Variants in KAZN observed in about 807,000 individuals in gnomAD.
The protein encoded by KAZN is kazrin.
Under a neutral mutation model 87.4 loss-of-function variants are expected in KAZN, and 40 were observed. The observed-to-expected ratio is 0.46, with a 90% CI of 0.36 to 0.60. The LOEUF (loss-of-function observed/expected upper bound fraction) is 0.60. Among genes scored for constraint, KAZN ranks in the 20% least tolerant of loss-of-function variants. KAZN has a pLI of 0.00. For synonymous variants in KAZN, 466 were observed against 458.3 expected (o/e 1.02, Z -0.22); for missense variants, 898 against 1,073.9 (o/e 0.84, Z 2.29).
At chr1:14,027,312 C>G (rs1242876344) in intron 1 of KAZN, among the ~76,000 whole-genome samples, 1 of 152,172 alleles carries the variant, frequency 6.6e-6, no homozygotes, top group Admixed American at 6.6e-5. Context: ...CCCTTGGAAG[C>G]CTAATGAGGC....
intron 2 of KAZN, among the ~76,000 whole-genome samples, chr1:14,338,144 G>T (rs1470636127): frequency 6.6e-6 from 1 of 151,992 alleles, no homozygotes; most frequent in Non-Finnish European, 1.5e-5. Flanking sequence ...ACCCAGTGAT[G>T]GTTTTAGGAA....
chr1:14,665,824 C>T (rs761392140), intron 1 of KAZN, among the ~76,000 whole-genome samples: 5 of 150,890 alleles, frequency 3.3e-5, no homozygotes, highest in Non-Finnish European at 7.4e-5. Context: ...CTGCCTAGTT[C>T]GGGACAAAGT....
At chr1:14,493,363 T>C (rs1164495296) in intron 2 of KAZN, among the ~76,000 whole-genome samples, 2 of 152,154 alleles carry the variant, frequency 1.3e-5, no homozygotes, top group African/African-American at 2.4e-5. Context: ...TTCTACAGAA[T>C]GACTTGGACA....
At chr1:14,047,622 C>G (rs1198732560) in intron 1 of KAZN, among the ~76,000 whole-genome samples, 1 of 152,330 alleles carries the variant, frequency 6.6e-6, no homozygotes, top group African/African-American at 2.4e-5. Flanking sequence ...AATTCCAGCA[C>G]TTTGGGAGGC....
At chr1:15,110,481 TTG>T (rs769292730) in intron 13 of KAZN, among the ~76,000 whole-genome samples, 5 of 85,134 alleles carry the variant, frequency 5.9e-5, no homozygotes, top group Middle Eastern at 5.2e-3. Context: ...GTTTGTGTAT[TTG>T]TGTGTGTATG....
chr1:14,311,029 G>T (rs34724589), intron 2 of KAZN, among the ~76,000 whole-genome samples: 19,328 of 152,180 alleles, frequency 0.13, 2,184 homozygotes, highest in African/African-American at 0.31. Context: ...TGGAGCTTCT[G>T]TGAATCATTC....
At chr1:14,424,666 C>A (rs542823467) in intron 2 of KAZN, among the ~76,000 whole-genome samples, 2 of 152,286 alleles carry the variant, frequency 1.3e-5, no homozygotes, top group African/African-American at 4.8e-5. Context: ...GGACAGATAC[C>A]AGGAAGGGAT....
intron 2 of KAZN, among the ~76,000 whole-genome samples, chr1:14,516,109 C>T (rs771042672): frequency 3.9e-5 from 6 of 152,144 alleles, no homozygotes; most frequent in Admixed American, 6.5e-5. Flanking sequence ...TCAGGTGTTT[C>T]GCTTGAGCAG....
In KAZN at chr1:13,995,494, T is replaced by G. The variant is rs117222858; in HGVS notation, c.91+101738T>G. On this transcript the variant is annotated intron_variant, in intron 1 of 16. Transcript: ENST00000636203. ...GGGAACAGATCTAACAAGAGTTTTT[T>G]TCTGAAAACTGAAACAATATTGGAA... is the stretch of plus-strand genomic sequence containing the variant. Among the ~76,000 whole-genome samples the G allele has an allele frequency of 2.3e-3, 352 of 152,346 alleles. 5 individuals carry two copies. The East Asian group carries it at 0.023, about 10-fold the overall frequency.
At chr1:14,092,960 T>G (rs1256526649) in intron 1 of KAZN, among the ~76,000 whole-genome samples, 1 of 152,234 alleles carries the variant, frequency 6.6e-6, no homozygotes, top group African/African-American at 2.4e-5. Context: ...TGCATGTTCT[T>G]AGATAGTGCA....
chr1:14,892,763 TG>T (rs1654852459), intron 1 of KAZN, among the ~76,000 whole-genome samples: 1 of 152,128 alleles, frequency 6.6e-6, no homozygotes, highest in African/African-American at 2.4e-5. Flanking sequence ...CACGGGGCTG[TG>T]GGGGCCTCCT....
At chr1:14,013,767 G>A (rs570666642) in intron 1 of KAZN, among the ~76,000 whole-genome samples, 1 of 152,276 alleles carries the variant, frequency 6.6e-6, no homozygotes, top group South Asian at 2.1e-4. Context: ...TTGTGTCCGG[G>A]GATGGCTGCT....
chr1:14,209,473 A>G (rs949852647), intron 2 of KAZN, among the ~76,000 whole-genome samples: 2 of 152,202 alleles, frequency 1.3e-5, no homozygotes, highest in African/African-American at 2.4e-5. Flanking sequence ...CTTTGGAAAA[A>G]TCTGCCTGCC....
At chr1:14,427,169 AT>A (rs1468867850) in intron 2 of KAZN, among the ~76,000 whole-genome samples, 9 of 152,224 alleles carry the variant, frequency 5.9e-5, no homozygotes, top group Non-Finnish European at 1.3e-4. Context: ...AGGAAGGGAC[AT>A]TCAGGGTAGG....
intron 2 of KAZN, among the ~76,000 whole-genome samples, chr1:14,453,526 T>G (rs1251084116): frequency 6.6e-6 from 1 of 152,138 alleles, no homozygotes; most frequent in East Asian, 1.9e-4. Flanking sequence ...TGCTCCACCA[T>G]GTGCACGCCA....
At chr1:14,701,666 G>A (rs1483612732) in intron 1 of KAZN, among the ~76,000 whole-genome samples, 1 of 152,172 alleles carries the variant, frequency 6.6e-6, no homozygotes, top group East Asian at 1.9e-4. Flanking sequence ...GTACAGTGAT[G>A]AGCACCTGTA....
At chr1:13,995,458 C>A (rs1639470377) in intron 1 of KAZN, among the ~76,000 whole-genome samples, 1 of 152,046 alleles carries the variant, frequency 6.6e-6, no homozygotes, top group Non-Finnish European at 1.5e-5. Context: ...AGCATAAAAA[C>A]CTGACTACTT....
chr1:14,791,672 C>A (rs74059363), intron 1 of KAZN, among the ~76,000 whole-genome samples: 1 of 152,110 alleles, frequency 6.6e-6, no homozygotes, highest in Non-Finnish European at 1.5e-5. Flanking sequence ...GAGCTTAGTC[C>A]CCAGGGGAAT....
chr1:14,764,737 G>A (rs528199402), intron 1 of KAZN, among the ~76,000 whole-genome samples: 44 of 152,122 alleles, frequency 2.9e-4, no homozygotes, highest in Non-Finnish European at 5.1e-4. Flanking sequence ...TGAGAGACCA[G>A]ATCTGGACTT....
Sources: gnomAD v4.1 joint callset for allele counts (sites outside exome capture counted in the v4.1 genomes callset) on GRCh38, gnomAD v4.1.1 for gene constraint, MANE v1.5 for transcripts, NCBI Gene and HGNC (gene_info 2026-07-23, HGNC 2026-07-21) for gene names.